Variants in ROBO1 observed in about 807,000 individuals in gnomAD.
ROBO1 encodes the protein roundabout homolog 1.
Under a neutral mutation model 195.9 loss-of-function variants are expected in ROBO1, and 149 were observed. The observed-to-expected ratio is 0.76, with a 90% CI of 0.67 to 0.87. The LOEUF is 0.87. Ranked by LOEUF, ROBO1 falls within the 40% of genes least tolerant of loss-of-function variation. The pLI is 0.00. For missense variants in ROBO1, 1,933 were observed against 2,068.3 expected (o/e 0.93, Z 1.27); for synonymous variants, 816 against 733.2 (o/e 1.11, Z -1.82).
chr3:78,781,188 C>T (rs1418030921), intron 4 of ROBO1, among the ~76,000 whole-genome samples: 3 of 152,136 alleles, frequency 2.0e-5, no homozygotes, highest in African/African-American at 7.2e-5. Flanking sequence ...ATAAGTAAGC[C>T]AGAACACCCT....
chr3:79,647,306 T>C (rs930585888), intron 1 of ROBO1, among the ~76,000 whole-genome samples: 9 of 152,064 alleles, frequency 5.9e-5, no homozygotes, highest in Admixed American at 5.9e-4. Context: ...GCTACAAAAA[T>C]TTCCCTCTAC....
chr3:79,252,210 G>A (rs2082743593), intron 2 of ROBO1, among the ~76,000 whole-genome samples: 1 of 151,962 alleles, frequency 6.6e-6, no homozygotes, highest in African/African-American at 2.4e-5. Context: ...TGTGTATTTG[G>A]GTTGGATAGT....
intron 2 of ROBO1, among the ~76,000 whole-genome samples, chr3:79,235,269 G>A (rs915624203): frequency 6.6e-6 from 1 of 152,052 alleles, no homozygotes; most frequent in Admixed American, 6.6e-5. Flanking sequence ...ACATCATCAA[G>A]AAAGTTTTTA....
intron 1 of ROBO1, among the ~76,000 whole-genome samples, chr3:79,738,780 T>C (rs910754687): frequency 2.0e-5 from 3 of 152,184 alleles, no homozygotes; most frequent in Admixed American, 2.0e-4. Context: ...TGTTCATATA[T>C]TTCATTCACT....
chr3:78,858,461 G>A (rs1239692544), intron 4 of ROBO1, among the ~76,000 whole-genome samples: 3 of 151,376 alleles, frequency 2.0e-5, no homozygotes, highest in Non-Finnish European at 2.9e-5. Flanking sequence ...AGATGCAGTG[G>A]CTCACACTTG....
chr3:79,417,998 T>G (rs1019139163), intron 2 of ROBO1, among the ~76,000 whole-genome samples: 2 of 152,102 alleles, frequency 1.3e-5, no homozygotes, highest in African/African-American at 2.4e-5. Flanking sequence ...CTTCATAAGA[T>G]AGATAGCCCT....
At chr3:79,724,379 C>T (rs183242819) in intron 1 of ROBO1, among the ~76,000 whole-genome samples, 3 of 152,258 alleles carry the variant, frequency 2.0e-5, no homozygotes, top group South Asian at 2.1e-4. Flanking sequence ...ATATTCGCTG[C>T]CCCCTGGTGT....
intron 2 of ROBO1, among the ~76,000 whole-genome samples, chr3:79,262,882 T>C (rs913229333): frequency 6.6e-6 from 1 of 152,084 alleles, no homozygotes; most frequent in Admixed American, 6.6e-5. Flanking sequence ...TCTTGAGTCT[T>C]CCAGAAATAT....
intron 2 of ROBO1, among the ~76,000 whole-genome samples, chr3:79,576,244 G>A (rs7431291): frequency 6.6e-6 from 1 of 151,704 alleles, no homozygotes; most frequent in East Asian, 1.9e-4. Flanking sequence ...GCCATGATGT[G>A]TTTTCTTTTA....
intron 2 of ROBO1, among the ~76,000 whole-genome samples, chr3:79,494,323 G>GT (rs1156695604): frequency 6.6e-6 from 1 of 152,046 alleles, no homozygotes; most frequent in Non-Finnish European, 1.5e-5. Flanking sequence ...ACAATAAAAA[G>GT]TCATGTAAAG....
intron 3 of ROBO1, among the ~76,000 whole-genome samples, chr3:79,033,016 G>C (rs1033225867): frequency 1.3e-5 from 2 of 152,016 alleles, no homozygotes; most frequent in Non-Finnish European, 2.9e-5. Flanking sequence ...CAATATATTA[G>C]AGTGGTAGAA....
chr3:78,937,321 C>T (rs1291132115), intron 4 of ROBO1, among the ~76,000 whole-genome samples: 1 of 151,514 alleles, frequency 6.6e-6, no homozygotes, highest in African/African-American at 2.4e-5. Flanking sequence ...ATTTTGAAGA[C>T]AATTTTGGAG....
At chr3:78,870,098 G>A (rs2035456809) in intron 4 of ROBO1, among the ~76,000 whole-genome samples, 1 of 152,050 alleles carries the variant, frequency 6.6e-6, no homozygotes, top group African/African-American at 2.4e-5. Context: ...CAAACTTAAA[G>A]CAAAGAACAA....
intron 8 of ROBO1, among the ~76,000 whole-genome samples, chr3:78,709,206 C>G (rs1463778378): frequency 1.3e-5 from 2 of 152,156 alleles, no homozygotes; most frequent in Non-Finnish European, 2.9e-5. Context: ...AGCAGAAACA[C>G]TTTTCTGTTG....
intron 1 of ROBO1, among the ~76,000 whole-genome samples, chr3:79,728,721 A>C (rs1401447669): frequency 1.3e-5 from 2 of 152,176 alleles, no homozygotes. Context: ...AGCCAGAAAA[A>C]GACTTAATTT....
At chr3:78,832,471 T>G (rs906044582) in intron 4 of ROBO1, among the ~76,000 whole-genome samples, 1 of 152,176 alleles carries the variant, frequency 6.6e-6, no homozygotes, top group Non-Finnish European at 1.5e-5. Context: ...CGTCATGAGC[T>G]ACTTGACATC....
At position 79,760,907 on chromosome 3, in the gene ROBO1, C is replaced by T. The variant is rs548585856; in HGVS notation, c.-51+6845G>A. On this transcript the variant is annotated intron_variant, in intron 1 of 30. Coordinates refer to ENST00000464233, the MANE Select transcript of ROBO1 (RefSeq NM_002941.4). Reference sequence around the variant, plus strand: ...ACATTACACGTCATCAGCAATTTCACTTCTAGGCAAATATCTAAAAAGTAT... The same window carrying T: ...ACATTACACGTCATCAGCAATTTCATTTCTAGGCAAATATCTAAAAAGTAT... 1.2e-4 allele frequency among the ~76,000 whole-genome samples: 18 copies of T among 151,632 alleles called. No individual in the cohort carries two copies. The South Asian group carries it at 3.7e-3, about 31-fold the overall frequency.
At chr3:78,894,131 T>C (rs1451273719) in intron 4 of ROBO1, among the ~76,000 whole-genome samples, 3 of 152,180 alleles carry the variant, frequency 2.0e-5, no homozygotes, top group African/African-American at 7.2e-5. Context: ...AAAGAATATA[T>C]GGTTCTAACG....
chr3:79,653,572 T>C (rs1946076366), intron 1 of ROBO1, among the ~76,000 whole-genome samples: 1 of 152,030 alleles, frequency 6.6e-6, no homozygotes, highest in South Asian at 2.1e-4. Flanking sequence ...GAGTATCATT[T>C]CAAGATGAGA....
Sources: gnomAD v4.1 joint callset for allele counts (sites outside exome capture counted in the v4.1 genomes callset) on GRCh38, gnomAD v4.1.1 for gene constraint, MANE v1.5 for transcripts, NCBI Gene and HGNC (gene_info 2026-07-23, HGNC 2026-07-21) for gene names.